FRMD4A: variants seen among roughly 807,000 people sequenced by gnomAD.
FRMD4A encodes FERM domain containing 4A, also known as FERM domain-containing protein 4A.
In FRMD4A, 29 loss-of-function variants were observed where a neutral mutation model predicts 129.1. That is an observed-to-expected ratio of 0.22 (90% CI 0.17 to 0.31). FRMD4A has a LOEUF of 0.31. FRMD4A is among the 10% of genes least tolerant of loss of function. FRMD4A has a pLI of 1.00. For synonymous variants in FRMD4A, 634 were observed against 571.6 expected, an observed-to-expected ratio of 1.11 and a Z score of -1.56; for missense variants, 1,272 against 1,375.8, an observed-to-expected ratio of 0.92 and a Z score of 1.19.
chr10:14,092,744 C>G (rs748122012), intron 2 of FRMD4A, among the ~76,000 whole-genome samples: 1 of 152,118 alleles, frequency 6.6e-6, no homozygotes, highest in Non-Finnish European at 1.5e-5. Flanking sequence ...GGCTGGCACT[C>G]GAGGAGGGAG....
chr10:13,702,165 A>G (rs1349065327), intron 13 of FRMD4A, among the ~76,000 whole-genome samples: 1 of 152,130 alleles, frequency 6.6e-6, no homozygotes, highest in Non-Finnish European at 1.5e-5. Context: ...TCCACCTCCC[A>G]GGTTCAACCA....
intron 2 of FRMD4A, among the ~76,000 whole-genome samples, chr10:14,180,169 T>A (rs1841865954): frequency 6.6e-6 from 1 of 152,228 alleles, no homozygotes; most frequent in Non-Finnish European, 1.5e-5. Flanking sequence ...GAGTAATATT[T>A]ATTGAGCATC....
chr10:13,730,016 G>A (rs1311422462), intron 12 of FRMD4A, among the ~76,000 whole-genome samples: 1 of 152,190 alleles, frequency 6.6e-6, no homozygotes, highest in Non-Finnish European at 1.5e-5. Flanking sequence ...AACTCTTAGT[G>A]TCCTTTTGGA....
intron 2 of FRMD4A, among the ~76,000 whole-genome samples, chr10:13,880,992 A>G (rs749971585): frequency 6.6e-6 from 1 of 152,118 alleles, no homozygotes; most frequent in Non-Finnish European, 1.5e-5. Context: ...TGGAATGTTC[A>G]AGGCATACCA....
intron 2 of FRMD4A, chr10:13,866,257 T>C: frequency 1.0e-6 from 1 of 972,638 alleles, no homozygotes; most frequent in Non-Finnish European, 1.2e-6. Context: ...TACCAGTGAC[T>C]TACCGCTGAC....
intron 2 of FRMD4A, among the ~76,000 whole-genome samples, chr10:14,202,504 C>T (rs553854716): frequency 2.6e-5 from 4 of 152,040 alleles, no homozygotes; most frequent in Non-Finnish European, 5.9e-5. Context: ...TGGGTTCAAG[C>T]GATTCTCCTG....
chr10:13,651,983 A>G lies in FRMD4A; in HGVS notation c.3051-9T>C, dbSNP rs372481098. ...AGTTTTCTGTTGCTTCTCTGAACAA[A>G]GGAAAGCAGGAGGAGGAAGAGAAGA... On this transcript the variant is annotated splice_polypyrimidine_tract_variant and intron_variant, in intron 23 of 24. Coordinates refer to ENST00000357447, the MANE Select transcript of FRMD4A (RefSeq NM_018027.5). The G allele has an allele frequency of 1.3e-6, 2 of 1,514,476 alleles. No individual in the cohort carries two copies. Among genetic ancestry groups the G allele is most frequent in the African/African-American group, 1.4e-5 (1 of 73,010 alleles). 93.8% of individuals were successfully genotyped at this position (1,514,476 alleles called of 1,614,324 possible). A position where few individuals can be genotyped will look rare whatever the true frequency, so the allele number is the denominator to read the frequency against.
chr10:14,185,574 CTCGTCTTGTAA>C (rs1300746457), intron 2 of FRMD4A, among the ~76,000 whole-genome samples: 1 of 152,000 alleles, frequency 6.6e-6, no homozygotes, highest in African/African-American at 2.4e-5. Context: ...AAGGTTCAAT[CTCGTCTTGTAA>C]GAAAGAGAAA....
rs1276734947 is a variant in FRMD4A at position 14,174,865 on chromosome 10, AAGTGTGTGTGTGTCTG to A, written c.45+155177_45+155192del. 8.8e-5 allele frequency among the ~76,000 whole-genome samples: 12 copies of A among 136,966 alleles called. No individual in the cohort carries two copies. The East Asian group carries it at 2.0e-3, about 22-fold the overall frequency. 89.9% of individuals were successfully genotyped at this position (136,966 alleles called of 152,430 possible). On this transcript the variant is annotated intron_variant, in intron 2 of 24. Transcript: ENST00000357447. ...CTGAATAGTTGAGTATTAAAAAAAAAAGTGTGTGTGTGTCTGTGTGTGTGTGTGTGTGTGTGTGTGT... is the reference window on the plus strand; with the variant it reads ...CTGAATAGTTGAGTATTAAAAAAAAATGTGTGTGTGTGTGTGTGTGTGTGT...
intron 2 of FRMD4A, among the ~76,000 whole-genome samples, chr10:14,173,913 C>T (rs1158323909): frequency 6.6e-6 from 1 of 151,926 alleles, no homozygotes; most frequent in African/African-American, 2.4e-5. Context: ...CAGCCTAGTT[C>T]TGAAATGAGA....
At chr10:14,091,651 T>G (rs1332025555) in intron 2 of FRMD4A, among the ~76,000 whole-genome samples, 1 of 152,214 alleles carries the variant, frequency 6.6e-6, no homozygotes, top group Non-Finnish European at 1.5e-5. Flanking sequence ...ACCAGGATGG[T>G]CTCGATCTCT....
At chr10:13,954,042 A>T (rs1324600735) in intron 2 of FRMD4A, among the ~76,000 whole-genome samples, 2 of 152,168 alleles carry the variant, frequency 1.3e-5, no homozygotes, top group East Asian at 3.9e-4. Context: ...CACAAGCAAA[A>T]ACCAGGATCC....
At chr10:13,947,399 G>T (rs1187024760) in intron 2 of FRMD4A, among the ~76,000 whole-genome samples, 3 of 152,014 alleles carry the variant, frequency 2.0e-5, no homozygotes, top group Admixed American at 2.0e-4. Context: ...TTTTAAACAA[G>T]GGGAGCTTGT....
chr10:14,088,625 G>C (rs950179217), intron 2 of FRMD4A, among the ~76,000 whole-genome samples: 1 of 151,424 alleles, frequency 6.6e-6, no homozygotes, highest in Non-Finnish European at 1.5e-5. Context: ...AAAACTAGCC[G>C]GACGTGATGG....
intron 2 of FRMD4A, chr10:14,008,344 G>A: frequency 1.9e-6 from 2 of 1,028,350 alleles, no homozygotes; most frequent in Non-Finnish European, 2.3e-6. Context: ...CAGGAGGAGG[G>A]GGGATGGGAA....
At chr10:13,733,903 A>G (rs1449856150) in intron 12 of FRMD4A, among the ~76,000 whole-genome samples, 1 of 151,836 alleles carries the variant, frequency 6.6e-6, no homozygotes, top group Non-Finnish European at 1.5e-5. Context: ...TGCCAATCCA[A>G]CCTCCTCCCT....
At chr10:14,223,800 A>G in intron 2 of FRMD4A, among the ~76,000 whole-genome samples, 1 of 151,494 alleles carries the variant, frequency 6.6e-6, no homozygotes, top group South Asian at 2.1e-4. Flanking sequence ...AATAAAGCCA[A>G]ATGCAACATA....
chr10:13,915,500 G>A (rs891819338), intron 2 of FRMD4A, among the ~76,000 whole-genome samples: 26 of 151,694 alleles, frequency 1.7e-4, no homozygotes, highest in African/African-American at 5.8e-4. Context: ...GTGAAACCCC[G>A]TCTCTACTAA....
At chr10:14,095,371 G>T (rs1219000501) in intron 2 of FRMD4A, among the ~76,000 whole-genome samples, 1 of 152,104 alleles carries the variant, frequency 6.6e-6, no homozygotes, top group African/African-American at 2.4e-5. Context: ...GAATAGATGT[G>T]CCCCATTGCA....
Sources: gnomAD v4.1 joint callset for allele counts (sites outside exome capture counted in the v4.1 genomes callset) on GRCh38, gnomAD v4.1.1 for gene constraint, MANE v1.5 for transcripts, NCBI Gene and HGNC (gene_info 2026-07-23, HGNC 2026-07-21) for gene names.